Variants in ZFP37 observed in about 807,000 individuals in gnomAD.
ZFP37 encodes the protein zinc finger protein 37 homolog.
In ZFP37, 38 loss-of-function variants were observed where a neutral mutation model predicts 52.1. That is an observed-to-expected ratio of 0.73 (90% CI 0.56 to 0.96). The LOEUF (loss-of-function observed/expected upper bound fraction) is 0.96. ZFP37 is among the 40% of genes least tolerant of loss of function. ZFP37 has a pLI of 0.00. For synonymous variants in ZFP37, 253 were observed against 259.5 expected (o/e 0.98, Z 0.24); for missense variants, 695 against 741.4 (o/e 0.94, Z 0.73).
At chr9:113,053,049 C>T (rs1829085371) in intron 1 of ZFP37, among the ~76,000 whole-genome samples, 1 of 152,190 alleles carries the variant, frequency 6.6e-6, no homozygotes, top group Non-Finnish European at 1.5e-5. Context: ...ATGAGGTCAG[C>T]AACCTCTTCT....
intron 3 of ZFP37, among the ~76,000 whole-genome samples, chr9:113,044,669 G>A (rs1828921051): frequency 1.3e-5 from 2 of 152,010 alleles, no homozygotes; most frequent in Admixed American, 6.6e-5. Context: ...TGCTCCTGCA[G>A]CCTATACTAT....
At chr9:113,051,734 T>G (rs1421988364) in intron 1 of ZFP37, among the ~76,000 whole-genome samples, 1 of 152,144 alleles carries the variant, frequency 6.6e-6, no homozygotes, top group Non-Finnish European at 1.5e-5. Context: ...AGATTACAGA[T>G]GTCAGCCACT....
intron 3 of ZFP37, among the ~76,000 whole-genome samples, chr9:113,046,217 T>A (rs959773367): frequency 2.9e-4 from 10 of 34,728 alleles, no homozygotes; most frequent in African/African-American, 1.3e-3. Flanking sequence ...TATATCTATA[T>A]ATAGACATAT....
Position 113,042,883 on chromosome 9 carries a change from C to G in ZFP37, c.1735G>C (p.Glu579Gln), listed in dbSNP as rs1212681350. The change falls in exon 4 of 4, where the codon GAA (glutamate) becomes CAA (glutamine). Residue 579 changes from glutamate to glutamine, a missense_variant. Glu to Gln is a conservative substitution (Grantham distance 29, BLOSUM62 2). This residue lies in a region of ZFP37 where 326 missense variants were observed against 400.5 expected (regional missense o/e 0.81). Transcript: ENST00000374227. Reference sequence around the variant, plus strand: ...TGTGATTTTGCATTAAAGGCTTTTTCACATTCGTTACATTCATAAGGTTTC... The same window carrying G: ...TGTGATTTTGCATTAAAGGCTTTTTGACATTCGTTACATTCATAAGGTTTC... ...GEKPYECNECEKAFNAKSQLV... is the reference protein window; with the variant it reads ...GEKPYECNECQKAFNAKSQLV... 6 of 1,613,922 alleles carry G rather than the reference C, an allele frequency of 3.7e-6. No individual in the cohort carries two copies. The East Asian group carries it at 1.3e-4, about 36-fold the overall frequency.
chr9:113,043,528 G>C lies in ZFP37; in HGVS notation c.1090C>G (p.Leu364Val). 1 of 1,614,032 alleles carries C rather than the reference G, an allele frequency of 6.2e-7. No homozygotes were observed. The highest frequency in any genetic ancestry group is 1.7e-5 in the Admixed American group (1 of 60,020). Reference sequence around the variant, plus strand: ...GTATGAATTCTTAGATGGTCAGTGAGTGCATGTTTATGACCATGGGCTTTG... The same window carrying C: ...GTATGAATTCTTAGATGGTCAGTGACTGCATGTTTATGACCATGGGCTTTG... ...CGKAHGHKHALTDHLRIHTGE... is the reference protein window; with the variant it reads ...CGKAHGHKHAVTDHLRIHTGE... Residue 364 changes from leucine to valine, a missense_variant, in exon 4 of 4, where the codon CTC becomes GTC. Leu to Val is a conservative substitution (Grantham distance 32, BLOSUM62 1). Transcript: ENST00000374227.
Position 113,038,943 on chromosome 9 carries a change from G to A in ZFP37, c.*3782C>T, listed in dbSNP as rs1317892068. On this transcript the variant is annotated 3_prime_UTR_variant, in exon 4 of 4. Coordinates refer to ENST00000374227, the MANE Select transcript of ZFP37 (RefSeq NM_003408.3). ...TTCTTCAATATTGGATTACTCACTT[G>A]ATGCCTGGAGATGCATCACTCAAAC... 6.6e-6 allele frequency: 1 copy of A among 152,104 alleles called. No homozygotes were observed. Among genetic ancestry groups the A allele is most frequent in the Non-Finnish European group, 1.5e-5 (1 of 68,020 alleles). The allele number at this position is 152,104 out of a possible 1,614,324, so 9.4% of individuals were successfully genotyped here. A position where few individuals can be genotyped will look rare whatever the true frequency, so the allele number is the denominator to read the frequency against.
intron 1 of ZFP37, among the ~76,000 whole-genome samples, chr9:113,055,697 C>A (rs755824140): frequency 2.0e-5 from 3 of 152,140 alleles, no homozygotes; most frequent in Non-Finnish European, 2.9e-5. Flanking sequence ...CCAACTATCA[C>A]TCTCCACAGA....
In ZFP37 at chr9:113,051,644, A is replaced by C. The variant is rs186199858; in HGVS notation, c.133-1772T>G. 5.3e-5 allele frequency among the ~76,000 whole-genome samples: 8 copies of C among 152,226 alleles called. No individual in the cohort carries two copies. In the East Asian group the frequency reaches 1.5e-3, roughly 29 times the overall value. ...GATTTTTAAATTTTTTTGTAGAGAC[A>C]GGTTCTTGCTATGTTGCCCAGGCTG... On this transcript the variant is annotated intron_variant, in intron 1 of 3. Transcript: ENST00000374227.
At position 113,038,848 on chromosome 9, in the gene ZFP37, G is replaced by A. The variant is rs187660432; in HGVS notation, c.*3877C>T. On this transcript the variant is annotated 3_prime_UTR_variant, in exon 4 of 4. Coordinates refer to ENST00000374227, the MANE Select transcript of ZFP37 (RefSeq NM_003408.3). ...GCCACCTGAAACTAGGTGTGGTCAT[G>A]TGACTCATTTCTGGTCAAAAGATAT... is the stretch of plus-strand genomic sequence containing the variant. 1.2e-4 allele frequency: 19 copies of A among 152,224 alleles called. No homozygotes were observed. Among genetic ancestry groups the A allele is most frequent in the Admixed American group, 1.1e-3 (17 of 15,264 alleles). The allele number at this position is 152,224 out of a possible 1,614,324, so 9.4% of individuals were successfully genotyped here. A position where few individuals can be genotyped will look rare whatever the true frequency, so the allele number is the denominator to read the frequency against.
At position 113,041,167 on chromosome 9, in the gene ZFP37, A is replaced by C. The variant is rs7044569; in HGVS notation, c.*1558T>G. The C allele has an allele frequency of 1.1e-3, 164 of 152,240 alleles. 1 individual carries two copies. Among genetic ancestry groups the C allele is most frequent in the African/African-American group, 3.9e-3 (160 of 41,528 alleles). The allele number at this position is 152,240 out of a possible 1,614,324, so 9.4% of individuals were successfully genotyped here. On this transcript the variant is annotated 3_prime_UTR_variant, in exon 4 of 4. Coordinates refer to ENST00000374227, the MANE Select transcript of ZFP37 (RefSeq NM_003408.3). The stretch of plus-strand genomic sequence containing the variant: ...AGTCTGATCTCAAACTCCTGGCCTC[A>C]AGTGATCCACCCACCTTGGCCTCCC...
chr9:113,049,967 T>G (rs1829027824), intron 1 of ZFP37, 95 bp from the exon 2 acceptor site: 1 of 1,578,752 alleles, frequency 6.3e-7, no homozygotes, highest in Non-Finnish European at 8.6e-7. Flanking sequence ...ATTTGGTGAG[T>G]GATTTGGACA....
intron 3 of ZFP37, among the ~76,000 whole-genome samples, chr9:113,045,656 C>T (rs962831383): frequency 1.3e-5 from 2 of 152,178 alleles, no homozygotes; most frequent in South Asian, 2.1e-4. Context: ...GTTTGTATTA[C>T]ATAATCCAAA....
At chr9:113,053,518 C>A (rs1280371677) in intron 1 of ZFP37, among the ~76,000 whole-genome samples, 1 of 152,192 alleles carries the variant, frequency 6.6e-6, no homozygotes, top group Non-Finnish European at 1.5e-5. Flanking sequence ...GACACCTAAT[C>A]CTGTCAGTAG....
intron 1 of ZFP37, among the ~76,000 whole-genome samples, chr9:113,051,982 A>G (rs1175534437): frequency 6.6e-6 from 1 of 151,850 alleles, no homozygotes; most frequent in Non-Finnish European, 1.5e-5. Context: ...CCCCACAGAC[A>G]CTCCAATCAC....
chr9:113,048,775 G>A (rs1216162782), intron 3 of ZFP37, among the ~76,000 whole-genome samples: 1 of 152,096 alleles, frequency 6.6e-6, no homozygotes, highest in African/African-American at 2.4e-5. Context: ...AGGATTATAC[G>A]TTCCTACCAT....
intron 1 of ZFP37, 24 bp from the exon 2 acceptor site, chr9:113,049,896 C>T (rs1461904173): frequency 4.3e-6 from 7 of 1,613,762 alleles, no homozygotes; most frequent in Admixed American, 1.7e-5. Context: ...GCCATAGTCA[C>T]ATGTTTGAAT....
Position 113,041,675 on chromosome 9 carries a change from A to G in ZFP37, c.*1050T>C, listed in dbSNP as rs922291662. On this transcript the variant is annotated 3_prime_UTR_variant, in exon 4 of 4. Coordinates refer to ENST00000374227, the MANE Select transcript of ZFP37 (RefSeq NM_003408.3). ...TAGAAAAAGTCTTTATGAATTCAAC[A>G]TCAAGTTTCATACTATATACTTTAG... 14 of 152,220 alleles carry G rather than the reference A, an allele frequency of 9.2e-5. No individual in the cohort carries two copies. The highest frequency in any genetic ancestry group is 3.4e-4 in the African/African-American group (14 of 41,464). The allele number at this position is 152,220 out of a possible 1,614,324, so 9.4% of individuals were successfully genotyped here.
chr9:113,049,593 T>G, intron 2 of ZFP37, 97 bp from the exon 3 acceptor site: 1 of 1,493,000 alleles, frequency 6.7e-7, no homozygotes, highest in Non-Finnish European at 9.0e-7. Flanking sequence ...ATACATGGCT[T>G]CTGGAGTTTC....
In ZFP37 at chr9:113,042,841, G is replaced by A. The variant is rs373174435; in HGVS notation, c.1777C>T (p.Arg593Ter). Residue 593 changes from arginine (R) to a stop codon, truncating the protein, a stop_gained, in exon 4 of 4, where the codon CGA (arginine) becomes TGA (stop). Coordinates refer to ENST00000374227, the MANE Select transcript of ZFP37 (RefSeq NM_003408.3). LOFTEE classifies it high-confidence loss of function. ...NAKSQLVIHQRSHTGEKPYEC... is the reference protein window; with the variant it reads ...NAKSQLVIHQ ...TAGGGTTTTTCTCCAGTGTGGGATC[G>A]CTGATGTATAACAAGCTGTGATTTT... The A allele has an allele frequency of 1.5e-5, 24 of 1,611,716 alleles. No homozygotes were observed. Among genetic ancestry groups the A allele is most frequent in the East Asian group, 4.5e-5 (2 of 44,740 alleles).
Sources: gnomAD v4.1 joint callset for allele counts (sites outside exome capture counted in the v4.1 genomes callset) on GRCh38, gnomAD v4.1.1 for gene constraint, gnomAD v4.1.1 regional missense constraint, MANE v1.5 for transcripts, NCBI Gene and HGNC (gene_info 2026-07-23, HGNC 2026-07-21) for gene names.